VCL: variants seen among roughly 807,000 people sequenced by gnomAD.
The protein encoded by VCL is vinculin.
VCL carries 47 observed loss-of-function variants against 125.7 expected under a neutral mutation model. The observed-to-expected ratio is 0.37, with a 90% CI of 0.30 to 0.48. The LOEUF is 0.48. Among genes scored for constraint, VCL ranks in the 20% least tolerant of loss-of-function variants. VCL has a pLI of 0.99. For synonymous variants in VCL, 458 were observed against 514.6 expected (o/e 0.89, Z 1.49); for missense variants, 1,069 against 1,455.5 (o/e 0.73, Z 4.32).
chr10:74,115,536 G>T (rs1225900135), intron 21 of VCL, among the ~76,000 whole-genome samples: 1 of 152,184 alleles, frequency 6.6e-6, no homozygotes, highest in Non-Finnish European at 1.5e-5. Context: ...TGGCAGTTAG[G>T]ACTCTACTCA....
chr10:74,104,373 G>A (rs1167406965), intron 15 of VCL, among the ~76,000 whole-genome samples: 3 of 152,076 alleles, frequency 2.0e-5, no homozygotes, highest in African/African-American at 7.2e-5. Context: ...TATCAACTAC[G>A]TAGTTTTTTT....
intron 10 of VCL, among the ~76,000 whole-genome samples, chr10:74,091,285 G>T (rs1312337509): frequency 1.3e-5 from 2 of 152,166 alleles, no homozygotes; most frequent in African/African-American, 4.8e-5. Flanking sequence ...AAGAGGTAAT[G>T]AATGGTAATG....
chr10:74,105,181 CAGTATT>C lies in VCL; in HGVS notation c.2263_2268del (p.Ser755_Ile756del). ...CTCAGATGCTGGTTGCTGGGGCAAC[CAGTATT>C]GCTCGTCGGGCCAACCGGATCCTGC... On this transcript the variant is annotated inframe_deletion, in exon 16 of 22. Coordinates refer to ENST00000211998, the MANE Select transcript of VCL (RefSeq NM_014000.3). 1 of 1,614,102 alleles carries C rather than the reference CAGTATT, an allele frequency of 6.2e-7. No individual in the cohort carries two copies. The highest frequency in any genetic ancestry group is 8.5e-7 in the Non-Finnish European group (1 of 1,180,036).
chr10:74,096,051 G>A (rs948557308), intron 12 of VCL, among the ~76,000 whole-genome samples, 196 bp downstream of exon 12: 1 of 151,462 alleles, frequency 6.6e-6, no homozygotes, highest in Non-Finnish European at 1.5e-5. Context: ...CTAAATTTGT[G>A]TTTTCCAAAT....
intron 10 of VCL, among the ~76,000 whole-genome samples, chr10:74,090,786 C>T (rs1839869639): frequency 6.8e-6 from 1 of 146,596 alleles, no homozygotes. Context: ...GGTATTTCCT[C>T]TTTTTTTTTT....
chr10:74,066,818 C>T (rs1357051282), intron 2 of VCL, among the ~76,000 whole-genome samples: 2 of 151,840 alleles, frequency 1.3e-5, no homozygotes, highest in Admixed American at 1.3e-4. Flanking sequence ...ATTACAGGTG[C>T]CCGCCACCAT....
intron 19 of VCL, among the ~76,000 whole-genome samples, 197 bp from the exon 20 acceptor site, chr10:74,113,987 G>C (rs980027545): frequency 2.6e-5 from 4 of 151,930 alleles, no homozygotes; most frequent in African/African-American, 9.7e-5. Context: ...GAGTGCTTGG[G>C]CGAGTGCCCT....
chr10:74,024,908 A>G (rs115854414), intron 1 of VCL, among the ~76,000 whole-genome samples: 125 of 152,334 alleles, frequency 8.2e-4, no homozygotes, highest in Middle Eastern at 3.4e-3. Context: ...CCCATTGTGT[A>G]CTTGAAGTTT....
At position 74,101,111 on chromosome 10, in the gene VCL, C is replaced by T; in HGVS notation, c.2022+14C>T. On this transcript the variant is annotated intron_variant, in intron 14 of 21. Transcript: ENST00000211998. ...CTCACACCCCAGGTTGGGTTTTGCT[C>T]ATTCCTCATACAGTGTTCAGTAAAG... The T allele has an allele frequency of 2.5e-6, 4 of 1,611,664 alleles. No homozygotes were observed. The highest frequency in any genetic ancestry group is 3.4e-6 in the Non-Finnish European group (4 of 1,178,728).
intron 1 of VCL, among the ~76,000 whole-genome samples, chr10:74,020,237 T>C (rs1840635385): frequency 6.6e-6 from 1 of 152,072 alleles, no homozygotes; most frequent in African/African-American, 2.4e-5. Flanking sequence ...TGAGCTTACT[T>C]TGAGATGCAG....
intron 2 of VCL, among the ~76,000 whole-genome samples, chr10:74,066,062 T>TATATATA (rs1491467672): frequency 8.0e-6 from 1 of 124,660 alleles, no homozygotes; most frequent in African/African-American, 3.1e-5. Context: ...TATATATATA[T>TATATATA]TTTTTTTTTT....
chr10:74,016,800 C>G (rs910375351), intron 1 of VCL: 2 of 152,088 alleles, frequency 1.3e-5, no homozygotes, highest in Non-Finnish European at 2.9e-5. Context: ...TTATTTTCCC[C>G]AACTAAACTC....
chr10:74,094,259 T>G lies in VCL; in HGVS notation c.1353-12T>G. The G allele has an allele frequency of 6.2e-7, 1 of 1,614,006 alleles. No individual in the cohort carries two copies. The highest frequency in any genetic ancestry group is 8.5e-7 in the Non-Finnish European group (1 of 1,180,028). ...TTTATGTGTGACAGGATGGCTGTCT[T>G]TTTCTCTGTAGGGGGAAAGGAGATT... is the stretch of plus-strand genomic sequence containing the variant. On this transcript the variant is annotated splice_polypyrimidine_tract_variant and intron_variant, in intron 10 of 21. Coordinates refer to ENST00000211998, the MANE Select transcript of VCL (RefSeq NM_014000.3).
chr10:74,034,136 C>T (rs1003534254), intron 1 of VCL, among the ~76,000 whole-genome samples: 9 of 152,180 alleles, frequency 5.9e-5, no homozygotes, highest in Non-Finnish European at 1.0e-4. Flanking sequence ...GAGTTTTCTT[C>T]GCTCTGATCC....
intron 14 of VCL, 137 bp downstream of exon 14, chr10:74,101,234 C>G: frequency 7.7e-7 from 1 of 1,297,506 alleles, no homozygotes; most frequent in Non-Finnish European, 1.1e-6. Context: ...ACCTATAATT[C>G]CGGCACTTTG....
chr10:74,000,456 C>G (rs533484706), intron 1 of VCL, among the ~76,000 whole-genome samples: 1 of 151,942 alleles, frequency 6.6e-6, no homozygotes, highest in Non-Finnish European at 1.5e-5. Flanking sequence ...TCCTCTGTCA[C>G]GAGGCTGGAG....
chr10:74,082,576 A>G, intron 7 of VCL, 32 bp downstream of exon 7: 1 of 1,606,614 alleles, frequency 6.2e-7, no homozygotes, highest in Non-Finnish European at 8.5e-7. Context: ...TCTGATCAAT[A>G]CAACGAGAAG....
chr10:74,052,849 G>A (rs776604023), intron 2 of VCL, among the ~76,000 whole-genome samples: 6 of 149,280 alleles, frequency 4.0e-5, no homozygotes, highest in Non-Finnish European at 8.9e-5. Flanking sequence ...ACTCTGTTGA[G>A]ATAGTCTATG....
chr10:74,032,257 A>C (rs936778155), intron 1 of VCL, among the ~76,000 whole-genome samples: 2 of 150,872 alleles, frequency 1.3e-5, no homozygotes, highest in South Asian at 4.2e-4. Context: ...AAAAAAAAAA[A>C]AAAGAAAAAG....
Sources: gnomAD v4.1 joint callset for allele counts (sites outside exome capture counted in the v4.1 genomes callset) on GRCh38, gnomAD v4.1.1 for gene constraint, MANE v1.5 for transcripts, NCBI Gene and HGNC (gene_info 2026-07-23, HGNC 2026-07-21) for gene names.